Variants in KCNIP4 observed in about 807,000 individuals in gnomAD.
The protein encoded by KCNIP4 is Kv channel-interacting protein 4.
In KCNIP4, 12 loss-of-function variants were observed where a neutral mutation model predicts 34.0. That is an observed-to-expected ratio of 0.35 (90% CI 0.23 to 0.57). The LOEUF (loss-of-function observed/expected upper bound fraction) is 0.57. Among genes scored for constraint, KCNIP4 ranks in the 20% least tolerant of loss-of-function variants. KCNIP4 has a pLI of 0.83. For synonymous variants in KCNIP4, 124 were observed against 102.2 expected, an observed-to-expected ratio of 1.21 and a Z score of -1.29; for missense variants, 238 against 311.7, an observed-to-expected ratio of 0.76 and a Z score of 1.78.
At chr4:20,812,292 C>T (rs549408926) in intron 3 of KCNIP4, among the ~76,000 whole-genome samples, 1 of 151,800 alleles carries the variant, frequency 6.6e-6, no homozygotes, top group East Asian at 1.9e-4. Flanking sequence ...GTTGGTGGGG[C>T]AAAGAGAAAG....
intron 3 of KCNIP4, among the ~76,000 whole-genome samples, chr4:20,821,233 G>A (rs144756528): frequency 8.5e-5 from 13 of 152,304 alleles, no homozygotes; most frequent in African/African-American, 2.4e-4. Context: ...ACGCCTCAGA[G>A]GTGAATGTCG....
intron 1 of KCNIP4, among the ~76,000 whole-genome samples, chr4:21,086,734 C>T (rs1746466958): frequency 6.6e-6 from 1 of 152,066 alleles, no homozygotes; most frequent in Admixed American, 6.6e-5. Context: ...CTTTTTTCTC[C>T]TACCATTAAG....
At chr4:21,568,347 A>G (rs1740083091) in intron 1 of KCNIP4, among the ~76,000 whole-genome samples, 1 of 152,190 alleles carries the variant, frequency 6.6e-6, no homozygotes, top group Non-Finnish European at 1.5e-5. Flanking sequence ...ATATTTGGAC[A>G]TAGACATATA....
rs550085257 is a variant in KCNIP4, at chr4:21,290,575, T to C, written c.62-407866A>G. 1.2e-3 allele frequency among the ~76,000 whole-genome samples: 189 copies of C among 152,322 alleles called. 2 individuals are homozygous for C. The highest frequency in any genetic ancestry group is 2.1e-3 in the Non-Finnish European group (145 of 68,028). On this transcript the variant is annotated intron_variant, in intron 1 of 8. Coordinates refer to ENST00000382152, the MANE Select transcript of KCNIP4 (RefSeq NM_025221.6). Reference sequence around the variant, plus strand: ...TAATTTAAGAAATATGTTCTGAGTATCTTTTCAACACAGTTGTATTTGCCA... The same window carrying C: ...TAATTTAAGAAATATGTTCTGAGTACCTTTTCAACACAGTTGTATTTGCCA...
chr4:20,944,123 G>C (rs961681794), intron 1 of KCNIP4, among the ~76,000 whole-genome samples: 3 of 152,150 alleles, frequency 2.0e-5, no homozygotes, highest in African/African-American at 7.2e-5. Context: ...AATAAGACCA[G>C]CCCCTAGCTC....
At chr4:21,447,723 CTCTG>C (rs999060537) in intron 1 of KCNIP4, among the ~76,000 whole-genome samples, 10 of 152,148 alleles carry the variant, frequency 6.6e-5, no homozygotes, top group African/African-American at 2.2e-4. Flanking sequence ...TGATCTCACT[CTCTG>C]TCTTTCTCAA....
intron 1 of KCNIP4, among the ~76,000 whole-genome samples, chr4:21,797,492 T>G (rs1162817370): frequency 6.6e-6 from 1 of 152,138 alleles, no homozygotes; most frequent in Non-Finnish European, 1.5e-5. Context: ...TATTTTACTT[T>G]GTCCATTTAT....
intron 1 of KCNIP4, among the ~76,000 whole-genome samples, chr4:21,109,080 C>G (rs58981321): frequency 0.017 from 2,526 of 152,098 alleles, 81 homozygotes; most frequent in African/African-American, 0.057. Context: ...GCAGTCTGCC[C>G]GTTCTCAGAT....
intron 1 of KCNIP4, among the ~76,000 whole-genome samples, chr4:21,940,482 C>T (rs1730142425): frequency 6.6e-6 from 1 of 152,150 alleles, no homozygotes; most frequent in Non-Finnish European, 1.5e-5. Context: ...TTCTCCTCAA[C>T]TTGACTATCA....
At chr4:21,069,537 G>A (rs561638849) in intron 1 of KCNIP4, among the ~76,000 whole-genome samples, 6 of 152,202 alleles carry the variant, frequency 3.9e-5, no homozygotes, top group African/African-American at 9.6e-5. Context: ...TCACTTGCCC[G>A]GAGAAGAGGC....
At chr4:21,696,992 T>C (rs1404511865) in intron 1 of KCNIP4, among the ~76,000 whole-genome samples, 2 of 151,864 alleles carry the variant, frequency 1.3e-5, no homozygotes, top group Non-Finnish European at 2.9e-5. Context: ...AGGAAGAAAA[T>C]CTGTGTGCTT....
intron 1 of KCNIP4, among the ~76,000 whole-genome samples, chr4:21,566,042 T>C (rs1206091302): frequency 6.6e-6 from 1 of 152,060 alleles, no homozygotes; most frequent in Non-Finnish European, 1.5e-5. Flanking sequence ...GGGAAACTAA[T>C]GGGAGACAGG....
intron 1 of KCNIP4, among the ~76,000 whole-genome samples, chr4:21,713,155 C>T (rs1489496691): frequency 6.6e-6 from 1 of 152,070 alleles, no homozygotes; most frequent in Non-Finnish European, 1.5e-5. Context: ...CCTAATGGAC[C>T]CACCCAATAA....
At chr4:21,270,894 G>A (rs540029734) in intron 1 of KCNIP4, among the ~76,000 whole-genome samples, 2 of 150,562 alleles carry the variant, frequency 1.3e-5, no homozygotes, top group Non-Finnish European at 2.9e-5. Context: ...GCTGAGGCAG[G>A]AGAATTGCTT....
At chr4:20,999,699 C>T (rs115604459) in intron 1 of KCNIP4, among the ~76,000 whole-genome samples, 7,155 of 151,590 alleles carry the variant, frequency 0.047, 246 homozygotes, top group Non-Finnish European at 0.07. Flanking sequence ...CAGATACAGA[C>T]GTGATGAAAT....
chr4:21,898,276 T>G (rs527972654), intron 1 of KCNIP4, among the ~76,000 whole-genome samples: 9 of 152,230 alleles, frequency 5.9e-5, no homozygotes, highest in African/African-American at 2.2e-4. Flanking sequence ...GGTCTTGGGA[T>G]GCACATGACC....
At chr4:21,247,764 C>CTATATATATATATA (rs1560212682) in intron 1 of KCNIP4, among the ~76,000 whole-genome samples, 6 of 66,370 alleles carry the variant, frequency 9.0e-5, no homozygotes, top group African/African-American at 3.5e-4. Flanking sequence ...ATATATACAC[C>CTATATATATATATA]CCACAGGTGT....
intron 1 of KCNIP4, among the ~76,000 whole-genome samples, chr4:21,122,564 T>C (rs1404636958): frequency 1.3e-5 from 2 of 152,034 alleles, no homozygotes; most frequent in Admixed American, 6.6e-5. Context: ...ATGGAAATGG[T>C]ACCTGCACTC....
chr4:21,800,057 G>GCACA (rs1449579816), intron 1 of KCNIP4, among the ~76,000 whole-genome samples: 1 of 152,074 alleles, frequency 6.6e-6, no homozygotes, highest in Non-Finnish European at 1.5e-5. Flanking sequence ...TCTATATACA[G>GCACA]CACACATCTT....
Sources: allele counts gnomAD v4.1 joint callset (sites outside exome capture counted in the v4.1 genomes callset), GRCh38; gene constraint gnomAD v4.1.1; transcripts MANE v1.5; gene names NCBI Gene and HGNC (gene_info 2026-07-23, HGNC 2026-07-21).